Variants in C4orf51 observed in about 807,000 individuals in gnomAD.
C4orf51 encodes the protein uncharacterized protein C4orf51.
C4orf51 carries 25 observed loss-of-function variants against 25.2 expected under a neutral mutation model. The ratio of observed to expected loss-of-function variants is 0.99; its 90% CI spans 0.72 to 1.39. C4orf51 has a LOEUF of 1.39. C4orf51 is among the 40% of genes most tolerant of loss of function. The pLI is 0.00. For missense variants in C4orf51, 252 were observed against 239.6 expected, an observed-to-expected ratio of 1.05 and a Z score of -0.34; for synonymous variants, 100 against 84.5, an observed-to-expected ratio of 1.18 and a Z score of -1.01.
intron 1 of C4orf51, among the ~76,000 whole-genome samples, chr4:145,741,705 T>C (rs532576498): frequency 6.6e-6 from 1 of 152,236 alleles, no homozygotes; most frequent in African/African-American, 2.4e-5. Context: ...CTTTTCTTTT[T>C]TATTTTTTTA....
In C4orf51 at chr4:145,762,064, G is replaced by C. The variant is rs1271336331; in HGVS notation, n.167-8924G>C. ...CACCAAGCACACGCAGAAAGGCTAA[G>C]AGGTTTTAAAGAACAGCTTATAGGG... On this transcript the variant is annotated intron_variant and non_coding_transcript_variant, in intron 1 of 1. Coordinates refer to the C4orf51 transcript ENST00000510096. The surrounding 1 kb of genome is among the most constrained non-coding windows in gnomAD (Gnocchi z 4.9). 6.6e-6 allele frequency among the ~76,000 whole-genome samples: 1 copy of C among 152,180 alleles called. No homozygotes were observed. Among genetic ancestry groups the C allele is most frequent in the African/African-American group, 2.4e-5 (1 of 41,444 alleles).
chr4:145,714,812 T>C (rs1731316369), intron 2 of C4orf51, among the ~76,000 whole-genome samples: 1 of 152,200 alleles, frequency 6.6e-6, no homozygotes, highest in African/African-American at 2.4e-5. Context: ...GAAAAACACA[T>C]TCACCAGTCA....
chr4:145,681,349 C>T (rs1728828311), intron 1 of C4orf51, among the ~76,000 whole-genome samples: 3 of 152,176 alleles, frequency 2.0e-5, no homozygotes, highest in Admixed American at 2.0e-4. Flanking sequence ...TCCATCCAGA[C>T]CTTTCCAAAT....
At chr4:145,771,114 C>G (rs1736212464), downstream of C4orf51, 1 of 152,154 alleles carries the variant, frequency 6.6e-6, no homozygotes, top group Non-Finnish European at 1.5e-5. Flanking sequence ...AATTAGAGGC[C>G]TAAAGGTTTT....
At chr4:145,696,046 G>A (rs1030775873) in intron 1 of C4orf51, among the ~76,000 whole-genome samples, 7 of 152,158 alleles carry the variant, frequency 4.6e-5, no homozygotes, top group African/African-American at 1.4e-4. Context: ...GGCAAATCAC[G>A]AGGTGAAGAG....
At chr4:145,728,148 T>C (rs1732217473) in intron 3 of C4orf51, among the ~76,000 whole-genome samples, 1 of 150,198 alleles carries the variant, frequency 6.7e-6, no homozygotes, top group Non-Finnish European at 1.5e-5. Flanking sequence ...ATATACGTTT[T>C]TGTAGCTGTA....
intron 1 of C4orf51, among the ~76,000 whole-genome samples, chr4:145,770,026 C>T (rs375803143): frequency 3.3e-5 from 5 of 152,074 alleles, no homozygotes; most frequent in African/African-American, 9.7e-5. Flanking sequence ...GGCTGGGTGC[C>T]GTGGCTCACG....
chr4:145,778,040 T>G, the C4orf51 span, among the ~76,000 whole-genome samples: 1 of 152,124 alleles, frequency 6.6e-6, no homozygotes, highest in Non-Finnish European at 1.5e-5. Context: ...TCCTAAATTT[T>G]GTCTTTAGTC....
At chr4:145,715,958 A>C (rs1731386731) in intron 2 of C4orf51, among the ~76,000 whole-genome samples, 1 of 152,194 alleles carries the variant, frequency 6.6e-6, no homozygotes, top group African/African-American at 2.4e-5. Flanking sequence ...TACTGAGTAC[A>C]CCAAGGAACT....
At position 145,705,997 on chromosome 4, in the gene C4orf51, C is replaced by T. The variant is rs544342489; in HGVS notation, c.307+9365C>T. 4.1e-4 allele frequency among the ~76,000 whole-genome samples: 63 copies of T among 152,176 alleles called. No homozygotes were observed. The South Asian group carries it at 5.4e-3, about 13-fold the overall frequency. On this transcript the variant is annotated intron_variant, in intron 2 of 5. Transcript: ENST00000438731. ...ATATTGATCCAGATTTTTACATTAC[C>T]CATCCGTCTTATTTCTTCTGAGCTG...
intron 1 of C4orf51, among the ~76,000 whole-genome samples, chr4:145,745,623 T>C (rs1733331823): frequency 6.6e-6 from 1 of 152,220 alleles, no homozygotes; most frequent in African/African-American, 2.4e-5. Context: ...CTTTCATCTG[T>C]TGATGGACAC....
downstream of C4orf51, among the ~76,000 whole-genome samples, chr4:145,734,951 A>T (rs1342839215): frequency 6.6e-6 from 1 of 152,190 alleles, no homozygotes; most frequent in African/African-American, 2.4e-5. Flanking sequence ...GTTCAGTCTG[A>T]TAAAGCAGGG....
At chr4:145,688,912 C>T (rs1325519461) in intron 1 of C4orf51, among the ~76,000 whole-genome samples, 1 of 151,982 alleles carries the variant, frequency 6.6e-6, no homozygotes, top group Admixed American at 6.6e-5. Context: ...ACAACAACAA[C>T]AAAAAGGTGA....
chr4:145,700,855 A>G (rs1206858502), intron 2 of C4orf51, among the ~76,000 whole-genome samples: 1 of 151,928 alleles, frequency 6.6e-6, no homozygotes, highest in African/African-American at 2.4e-5. Context: ...TAATCTTTTT[A>G]TCGCCTCCCC....
intron 2 of C4orf51, among the ~76,000 whole-genome samples, chr4:145,702,390 G>A (rs566660353): frequency 1.3e-5 from 2 of 151,626 alleles, no homozygotes; most frequent in Non-Finnish European, 2.9e-5. Context: ...GCCTCTCTTT[G>A]CCTTCACTTA....
At chr4:145,708,252 A>G (rs558083208) in intron 2 of C4orf51, among the ~76,000 whole-genome samples, 41 of 151,956 alleles carry the variant, frequency 2.7e-4, no homozygotes, top group African/African-American at 9.9e-4. Flanking sequence ...TAATCTGAGG[A>G]CCTCCTGCAC....
chr4:145,772,946 T>A (rs1736508606), downstream of C4orf51, among the ~76,000 whole-genome samples: 1 of 152,194 alleles, frequency 6.6e-6, no homozygotes, highest in African/African-American at 2.4e-5. Flanking sequence ...GACAATTAAA[T>A]GATGACAAGT....
In C4orf51 at chr4:145,765,715, C is replaced by T. The variant is rs759516491; in HGVS notation, n.167-5273C>T. ...GAGGATGAAGAGGGGCTATTTGATT[C>T]GCTGGGGGTCTTCCTGTCTTCCCCT... On this transcript the variant is annotated intron_variant and non_coding_transcript_variant, in intron 1 of 1. Coordinates refer to the C4orf51 transcript ENST00000510096. The surrounding 1 kb of genome is among the most constrained non-coding windows in gnomAD (Gnocchi z 4.7). 8 of 1,613,692 alleles carry T rather than the reference C, an allele frequency of 5.0e-6. No individual in the cohort carries two copies. Among genetic ancestry groups the T allele is most frequent in the South Asian group, 3.3e-5 (3 of 90,998 alleles).
At chr4:145,697,569 C>CT (rs1212863161) in intron 2 of C4orf51, among the ~76,000 whole-genome samples, 1 of 152,202 alleles carries the variant, frequency 6.6e-6, no homozygotes, top group Non-Finnish European at 1.5e-5. Context: ...GCTTCTATAA[C>CT]TTTGACTTTT....
Sources: allele counts gnomAD v4.1 joint callset (sites outside exome capture counted in the v4.1 genomes callset), GRCh38; gene constraint gnomAD v4.1.1; non-coding constraint Gnocchi (gnomAD v3.1); transcripts MANE v1.5; gene names NCBI Gene and HGNC (gene_info 2026-07-23, HGNC 2026-07-21).